The following BMPR1B variants were observed in gnomAD, a reference collection of about 807,000 sequenced individuals.
BMPR1B encodes bone morphogenetic protein receptor type 1B, also known as bone morphogenetic protein receptor type-1B.
A neutral mutation model predicts 59.1 loss-of-function variants in BMPR1B; 12 were observed. The ratio of observed to expected loss-of-function variants is 0.20; its 90% CI spans 0.13 to 0.33. BMPR1B has a LOEUF of 0.33. Among genes scored for constraint, BMPR1B ranks in the 10% least tolerant of loss-of-function variants. The pLI, the probability that BMPR1B is intolerant of heterozygous loss-of-function variation, is 1.00. For synonymous variants in BMPR1B, 237 were observed against 207.3 expected (o/e 1.14, Z -1.23); for missense variants, 550 against 610.9 (o/e 0.90, Z 1.05).
chr4:95,134,385 G>A (rs1733614189), intron 10 of BMPR1B, among the ~76,000 whole-genome samples: 2 of 152,200 alleles, frequency 1.3e-5, no homozygotes, highest in African/African-American at 4.8e-5. Context: ...TATATACTCA[G>A]TAATGGGATG....
At chr4:94,903,041 A>G (rs759087885) in intron 2 of BMPR1B, among the ~76,000 whole-genome samples, 32 of 152,054 alleles carry the variant, frequency 2.1e-4, no homozygotes, top group Non-Finnish European at 3.8e-4. Flanking sequence ...GAAGAAATAA[A>G]TGGATAAAGA....
At chr4:94,917,410 G>T (rs1728525598) in intron 2 of BMPR1B, among the ~76,000 whole-genome samples, 1 of 152,222 alleles carries the variant, frequency 6.6e-6, no homozygotes, top group African/African-American at 2.4e-5. Context: ...CACAGGGGTG[G>T]AGCTTCCCAA....
intron 1 of BMPR1B, among the ~76,000 whole-genome samples, chr4:94,775,054 A>G (rs1343185632): frequency 6.6e-6 from 1 of 152,192 alleles, no homozygotes; most frequent in African/African-American, 2.4e-5. Flanking sequence ...AAACTAGTGT[A>G]GAAGGTTCTA....
intron 4 of BMPR1B, among the ~76,000 whole-genome samples, chr4:95,110,122 A>G (rs1731524712): frequency 6.6e-6 from 1 of 151,918 alleles, no homozygotes; most frequent in Admixed American, 6.6e-5. Flanking sequence ...TTATACAGAG[A>G]GAACTCTTGA....
Position 95,145,696 on chromosome 4 carries a change from T to G in BMPR1B, c.1077-3052T>G, listed in dbSNP as rs187760277. On this transcript the variant is annotated intron_variant, in intron 10 of 12. Transcript: ENST00000515059. ...CTAATGACTTTCAATTATAGAAACA[T>G]GCCTGAGGGAAGAAGGGGCAGAGCT... Among the ~76,000 whole-genome samples, 9 of 152,344 alleles carry G rather than the reference T, an allele frequency of 5.9e-5. No homozygotes were observed. In the East Asian group the frequency reaches 1.7e-3, roughly 29 times the overall value.
chr4:95,024,454 A>G (rs1724210271), intron 3 of BMPR1B, among the ~76,000 whole-genome samples: 1 of 152,056 alleles, frequency 6.6e-6, no homozygotes, highest in South Asian at 2.1e-4. Context: ...ATATTGGGAG[A>G]GGGAAGTCAG....
intron 1 of BMPR1B, among the ~76,000 whole-genome samples, chr4:94,836,268 T>C (rs1258503090): frequency 2.6e-5 from 4 of 151,458 alleles, no homozygotes; most frequent in East Asian, 1.9e-4. Flanking sequence ...CCTTTGGGTA[T>C]ATACCCAGTA....
chr4:95,087,225 G>GCCAA (rs1729653622), intron 3 of BMPR1B, among the ~76,000 whole-genome samples: 1 of 151,948 alleles, frequency 6.6e-6, no homozygotes, highest in African/African-American at 2.4e-5. Context: ...ACAGGGTTTG[G>GCCAA]CCATGTTGGC....
intron 10 of BMPR1B, among the ~76,000 whole-genome samples, chr4:95,139,550 C>T (rs1734059934): frequency 1.3e-5 from 2 of 152,222 alleles, no homozygotes. Context: ...CCTTGAGCTG[C>T]AGTGGGCTCC....
chr4:94,808,552 T>C (rs1723695505), intron 1 of BMPR1B, among the ~76,000 whole-genome samples: 1 of 152,224 alleles, frequency 6.6e-6, no homozygotes, highest in African/African-American at 2.4e-5. Context: ...TGTATGGTTA[T>C]GGTTTTGCTT....
At chr4:94,768,342 A>G (rs1722043964) in intron 1 of BMPR1B, among the ~76,000 whole-genome samples, 1 of 151,866 alleles carries the variant, frequency 6.6e-6, no homozygotes, top group Non-Finnish European at 1.5e-5. Flanking sequence ...TAAAGAGAAA[A>G]CTTACCTTCT....
In BMPR1B at chr4:95,096,955, T is replaced by C. The variant is rs954948473; in HGVS notation, c.-17-7453T>C. Among the ~76,000 whole-genome samples, 4 of 143,824 alleles carry C rather than the reference T, an allele frequency of 2.8e-5. No individual in the cohort carries two copies. In the South Asian group the frequency reaches 6.3e-4, roughly 23 times the overall value. 94.4% of individuals were successfully genotyped at this position (143,824 alleles called of 152,430 possible). A position where few individuals can be genotyped will look rare whatever the true frequency, so the allele number is the denominator to read the frequency against. ...AATTAAATATATGTAACTAAAGTTA[T>C]ATAACTTTATTATATATAGTTATAT... On this transcript the variant is annotated intron_variant, in intron 3 of 12. Transcript: ENST00000515059.
chr4:94,961,472 T>G (rs1392264805), intron 2 of BMPR1B, among the ~76,000 whole-genome samples: 1 of 152,132 alleles, frequency 6.6e-6, no homozygotes, highest in Non-Finnish European at 1.5e-5. Flanking sequence ...CATTCTTTTT[T>G]TCTGTATTCA....
chr4:94,957,841 T>TA (rs2149062771), intron 2 of BMPR1B, among the ~76,000 whole-genome samples: 1 of 152,196 alleles, frequency 6.6e-6, no homozygotes, highest in Non-Finnish European at 1.5e-5. Flanking sequence ...ATCGGTGAAA[T>TA]ATGGTAACCT....
At chr4:95,079,746 G>GAA (rs60486038) in intron 3 of BMPR1B, among the ~76,000 whole-genome samples, 41 of 142,554 alleles carry the variant, frequency 2.9e-4, no homozygotes, top group Admixed American at 5.5e-4. Context: ...GGTGTGAAAT[G>GAA]AAAAAAAAAA....
At chr4:94,838,656 C>G (rs1484809564) in intron 1 of BMPR1B, among the ~76,000 whole-genome samples, 1 of 141,152 alleles carries the variant, frequency 7.1e-6, no homozygotes, top group African/African-American at 2.7e-5. Context: ...CTCTTTTTTT[C>G]TTTATTAGTC....
At chr4:95,138,053 CCTTT>C (rs1733939771) in intron 10 of BMPR1B, among the ~76,000 whole-genome samples, 1 of 152,176 alleles carries the variant, frequency 6.6e-6, no homozygotes, top group South Asian at 2.1e-4. Context: ...ACCGGTTGTT[CCTTT>C]CTATGTTTAG....
chr4:95,109,413 G>A (rs72672718), intron 4 of BMPR1B, among the ~76,000 whole-genome samples: 41,906 of 151,920 alleles, frequency 0.28, 6,679 homozygotes, highest in Middle Eastern at 0.38. Context: ...TACAAAGTTT[G>A]TGTTAACTCA....
chr4:95,101,706 G>A (rs1730833510), intron 3 of BMPR1B, among the ~76,000 whole-genome samples: 1 of 151,968 alleles, frequency 6.6e-6, no homozygotes, highest in South Asian at 2.1e-4. Flanking sequence ...ATTTATACAA[G>A]ATGTGCATCT....
Sources: gnomAD v4.1 joint callset for allele counts (sites outside exome capture counted in the v4.1 genomes callset) on GRCh38, gnomAD v4.1.1 for gene constraint, MANE v1.5 for transcripts, NCBI Gene and HGNC (gene_info 2026-07-23, HGNC 2026-07-21) for gene names.